GANC: variants seen among roughly 807,000 people sequenced by gnomAD.
GANC encodes glucosidase alpha, neutral C.
A neutral mutation model predicts 124.2 loss-of-function variants in GANC; 117 were observed. The ratio of observed to expected loss-of-function variants is 0.94; its 90% CI spans 0.81 to 1.10. The LOEUF (loss-of-function observed/expected upper bound fraction) is 1.10. Ranked by LOEUF, GANC falls within the 50% of genes least tolerant of loss-of-function variation. GANC has a pLI of 0.00. For missense variants in GANC, 1,140 were observed against 1,095.0 expected, an observed-to-expected ratio of 1.04 and a Z score of -0.58; for synonymous variants, 377 against 376.8, an observed-to-expected ratio of 1.00 and a Z score of -0.01.
intron 19 of GANC, 67 bp from the exon 20 acceptor site, chr15:42,345,691 C>A: frequency 2.3e-6 from 2 of 861,426 alleles, no homozygotes; most frequent in Non-Finnish European, 3.8e-6. Context: ...GGATATTTTG[C>A]TGACTAATGA....
intron 8 of GANC, among the ~76,000 whole-genome samples, 162 bp downstream of exon 8, chr15:42,308,480 A>G (rs2052019549): frequency 6.6e-6 from 1 of 152,064 alleles, no homozygotes; most frequent in African/African-American, 2.4e-5. Context: ...GATCACTCAG[A>G]GCAGTGGTTT....
Position 42,343,161 on chromosome 15 carries a change from G to T in GANC, c.2229+7G>T, listed in dbSNP as rs774009541. The T allele has an allele frequency of 6.2e-7, 1 of 1,611,870 alleles. No individual in the cohort carries two copies. On this transcript the variant is annotated splice_region_variant and intron_variant, in intron 19 of 23. Transcript: ENST00000318010. ...TCTTCCAGGATCAAATGAGGTAAGA[G>T]TAATAACAGCCACATATCTGATATG...
intron 5 of GANC, among the ~76,000 whole-genome samples, chr15:42,296,694 C>T (rs746285098): frequency 3.3e-5 from 5 of 152,040 alleles, no homozygotes; most frequent in Non-Finnish European, 5.9e-5. Flanking sequence ...CACCCAGACT[C>T]CTTGGGGTTT....
chr15:42,292,591 C>T (rs1246628813), intron 4 of GANC, 144 bp from the exon 5 acceptor site: 1 of 698,554 alleles, frequency 1.4e-6, no homozygotes, highest in Non-Finnish European at 2.3e-6. Flanking sequence ...AAAGCCAATG[C>T]TCTCATTAAC....
Position 42,273,255 on chromosome 15 carries a change from C to G in GANC, c.-1227C>G. 6.2e-7 allele frequency: 1 copy of G among 1,614,060 alleles called. No homozygotes were observed. The highest frequency in any genetic ancestry group is 8.5e-7 in the Non-Finnish European group (1 of 1,180,018). On this transcript the variant is annotated 5_prime_UTR_variant, in exon 1 of 24. Transcript: ENST00000318010. ...AGACGTTAGTGAAGTGAATACTCAC[C>G]GACGGTATCGGAATGTGCCATTTGG...
chr15:42,330,609 T>A lies in GANC; in HGVS notation c.1678T>A (p.Ser560Thr), dbSNP rs2052235236. The A allele has an allele frequency of 6.2e-7, 1 of 1,611,418 alleles. No individual in the cohort carries two copies. The highest frequency in any genetic ancestry group is 1.7e-5 in the Admixed American group (1 of 59,294). Residue 560 changes from serine to threonine, a missense_variant, in exon 15 of 24, where the codon TCT becomes ACT. Transcript: ENST00000318010. ...MATAEGLIKRSKGKERPFVLT... is the reference protein window; with the variant it reads ...MATAEGLIKRTKGKERPFVLT... ...TACTGCAGAAGGACTGATAAAACGATCTAAAGGGAAGGAGAGACCCTTTGT... is the reference window on the plus strand; with the variant it reads ...TACTGCAGAAGGACTGATAAAACGAACTAAAGGGAAGGAGAGACCCTTTGT...
At chr15:42,328,756 A>G (rs2052216734) in intron 13 of GANC, among the ~76,000 whole-genome samples, 1 of 152,220 alleles carries the variant, frequency 6.6e-6, no homozygotes, top group African/African-American at 2.4e-5. Flanking sequence ...CTACAATACC[A>G]TGTTAGCTAG....
intron 10 of GANC, among the ~76,000 whole-genome samples, chr15:42,321,137 T>G (rs1042111631): frequency 6.6e-6 from 1 of 152,210 alleles, no homozygotes; most frequent in Non-Finnish European, 1.5e-5. Context: ...CTTCAGTTTC[T>G]TTACCTTTAA....
intron 11 of GANC, among the ~76,000 whole-genome samples, chr15:42,324,349 C>T (rs2052183048): frequency 6.6e-6 from 1 of 151,950 alleles, no homozygotes; most frequent in Non-Finnish European, 1.5e-5. Flanking sequence ...CAAAATGGTA[C>T]AGCTGTTATG....
At chr15:42,319,366 A>G (rs2052136647) in intron 10 of GANC, among the ~76,000 whole-genome samples, 1 of 151,586 alleles carries the variant, frequency 6.6e-6, no homozygotes, top group Admixed American at 6.6e-5. Flanking sequence ...TTTGTTTTTA[A>G]ACAAAAAACA....
At position 42,339,825 on chromosome 15, in the gene GANC, G is replaced by A. The variant is rs369979153; in HGVS notation, c.2000G>A (p.Arg667Gln). The change falls in exon 17 of 24, where the codon CGA becomes CAA. Residue 667 changes from arginine (R) to glutamine (Q), a missense_variant. By Grantham distance (43) the Arg-to-Gln change is conservative (BLOSUM62 1). Coordinates refer to ENST00000318010, the MANE Select transcript of GANC (RefSeq NM_198141.3). ...GGGGAGGAACACACCCGACTCATCC[G>A]AGAAGCCATCAGAGAGCGCTATGGC... ...LFGEEHTRLI[R>Q]EAIRERYGLL... The A allele has an allele frequency of 9.9e-6, 16 of 1,614,000 alleles. No homozygotes were observed. The highest frequency in any genetic ancestry group is 1.3e-5 in the Non-Finnish European group (15 of 1,180,024).
intron 3 of GANC, among the ~76,000 whole-genome samples, chr15:42,285,771 G>A (rs2051781186): frequency 6.6e-6 from 1 of 152,074 alleles, no homozygotes; most frequent in Non-Finnish European, 1.5e-5. Flanking sequence ...CTCCAGCCTG[G>A]GTGACCAAGC....
chr15:42,273,828 T>C lies in GANC; in HGVS notation c.-654T>C. 1 of 211,524 alleles carries C rather than the reference T, an allele frequency of 4.7e-6. No homozygotes were observed. Among genetic ancestry groups the C allele is most frequent in the South Asian group, 7.2e-5 (1 of 13,970 alleles). The allele number at this position is 211,524 out of a possible 1,614,324, so 13.1% of individuals were successfully genotyped here. A position where few individuals can be genotyped will look rare whatever the true frequency, so the allele number is the denominator to read the frequency against. ...GCCTGGCTGCCCAAGTGGCGTCTAG[T>C]AGTGAGTTCTCCGGTTTGGGTGGTA... On this transcript the variant is annotated 5_prime_UTR_variant, in exon 1 of 24. Transcript: ENST00000318010.
At chr15:42,330,479 C>T in intron 14 of GANC, 97 bp from the exon 15 acceptor site, 1 of 758,214 alleles carries the variant, frequency 1.3e-6, no homozygotes, top group Non-Finnish European at 2.3e-6. Context: ...TTTCATGCTC[C>T]TGCCTACTGT....
At chr15:42,282,396 A>G (rs1278031554) in intron 3 of GANC, among the ~76,000 whole-genome samples, 4 of 152,186 alleles carry the variant, frequency 2.6e-5, no homozygotes, top group African/African-American at 9.7e-5. Flanking sequence ...TTTCAAGGAG[A>G]TTGCACATTA....
chr15:42,314,402 A>G, intron 10 of GANC: 1 of 428,984 alleles, frequency 2.3e-6, no homozygotes, highest in Non-Finnish European at 4.3e-6. Context: ...GAATAATTTG[A>G]ATCCAGCTTT....
At position 42,352,319 on chromosome 15, in the gene GANC, A is replaced by G; in HGVS notation, c.*180A>G. On this transcript the variant is annotated 3_prime_UTR_variant, in exon 24 of 24. Transcript: ENST00000318010. ...CATGTTTCAAAATTTCAGATTTTAC[A>G]TGTTAAGATGTACTAACAATATTCC... 7 of 1,413,696 alleles carry G rather than the reference A, an allele frequency of 5.0e-6. No homozygotes were observed. The highest frequency in any genetic ancestry group is 2.7e-4 in the Middle Eastern group (1 of 3,756). The allele number at this position is 1,413,696 out of a possible 1,614,324, so 87.6% of individuals were successfully genotyped here.
chr15:42,281,907 C>T (rs1235880466), intron 3 of GANC, among the ~76,000 whole-genome samples: 1 of 152,130 alleles, frequency 6.6e-6, no homozygotes, highest in Non-Finnish European at 1.5e-5. Context: ...CCTGTTTAGG[C>T]CAGGTGCAGT....
At chr15:42,292,466 TG>T (rs1194917475) in intron 4 of GANC, among the ~76,000 whole-genome samples, 3 of 152,126 alleles carry the variant, frequency 2.0e-5, no homozygotes, top group South Asian at 4.2e-4. Flanking sequence ...TTGTTGCTTT[TG>T]TTATTTTCAC....
Sources: gnomAD v4.1 joint callset for allele counts (sites outside exome capture counted in the v4.1 genomes callset) on GRCh38, gnomAD v4.1.1 for gene constraint, MANE v1.5 for transcripts, NCBI Gene and HGNC (gene_info 2026-07-23, HGNC 2026-07-21) for gene names.